GABRA3: variants seen among roughly 807,000 people sequenced by gnomAD.
The protein encoded by GABRA3 is gamma-aminobutyric acid type A receptor subunit alpha3, also known as gamma-aminobutyric acid receptor subunit alpha-3.
In GABRA3, 10 loss-of-function variants were observed where a neutral mutation model predicts 30.1. The ratio of observed to expected loss-of-function variants is 0.33; its 90% CI spans 0.20 to 0.56. The LOEUF (loss-of-function observed/expected upper bound fraction) is 0.56, where lower values mean the gene tolerates loss of function less well. Ranked by LOEUF, GABRA3 falls within the 20% of genes least tolerant of loss-of-function variation. GABRA3 has a pLI of 0.89. For missense variants in GABRA3, 233 were observed against 392.0 expected (o/e 0.59, Z 3.42); for synonymous variants, 151 against 146.8 (o/e 1.03, Z -0.21).
intron 8 of GABRA3, among the ~76,000 whole-genome samples, chrX:152,193,862 T>C (rs1169604183): frequency 1.8e-5 from 2 of 110,779 alleles, no homozygotes; most frequent in Non-Finnish European, 3.8e-5. Flanking sequence ...CTAGGCATGG[T>C]GGCACACGCC....
intron 1 of GABRA3, among the ~76,000 whole-genome samples, chrX:152,384,962 G>A (rs1929258814): frequency 8.9e-6 from 1 of 111,734 alleles, no homozygotes; most frequent in Non-Finnish European, 1.9e-5. Context: ...CACAAAAAAG[G>A]AAGGTCAAAT....
At chrX:152,271,454 T>C (rs933027078) in intron 4 of GABRA3, among the ~76,000 whole-genome samples, 1 of 112,178 alleles carries the variant, frequency 8.9e-6, no homozygotes, top group African/African-American at 3.2e-5. Flanking sequence ...AACTTTGAAC[T>C]TGAGAAAGAT....
intron 5 of GABRA3, among the ~76,000 whole-genome samples, chrX:152,241,413 T>C (rs1938366718): frequency 1.9e-5 from 2 of 104,065 alleles, no homozygotes; most frequent in Admixed American, 2.1e-4. Context: ...TTCAAAGCTG[T>C]CAGACAGGGA....
At position 152,382,898 on chromosome X, in the gene GABRA3, A is replaced by G. The variant is rs1277326302; in HGVS notation, c.-26-18302T>C. Among the ~76,000 whole-genome samples the G allele has an allele frequency of 1.9e-4, 21 of 111,944 alleles. No individual in the cohort carries two copies. The Admixed American group carries it at 2.0e-3, about 11-fold the overall frequency. On this transcript the variant is annotated intron_variant, in intron 1 of 9. Coordinates refer to ENST00000370314, the MANE Select transcript of GABRA3 (RefSeq NM_000808.4). ...TTGATGTGTCTCTTTTTATGCCAGTACCATATTGTTTTGATTGATTACAAC... is the reference window on the plus strand; with the variant it reads ...TTGATGTGTCTCTTTTTATGCCAGTGCCATATTGTTTTGATTGATTACAAC...
chrX:152,426,994 C>T (rs1219926133), intron 1 of GABRA3, among the ~76,000 whole-genome samples: 1 of 111,719 alleles, frequency 9.0e-6, no homozygotes, highest in African/African-American at 3.3e-5. Flanking sequence ...AGGCACTGTT[C>T]TAAGCACTTT....
chrX:152,239,578 A>C (rs1476662341), intron 5 of GABRA3, among the ~76,000 whole-genome samples: 1 of 91,171 alleles, frequency 1.1e-5, no homozygotes, highest in East Asian at 3.9e-4. Context: ...TGATCTGTCT[A>C]ATGTTGACAG....
intron 2 of GABRA3, among the ~76,000 whole-genome samples, chrX:152,359,017 G>T (rs1298626369): frequency 9.0e-6 from 1 of 111,458 alleles, no homozygotes; most frequent in Non-Finnish European, 1.9e-5. Flanking sequence ...TAGGCCACAA[G>T]TTTTCTTTTT....
At chrX:152,287,815 T>C (rs1355155283) in intron 3 of GABRA3, among the ~76,000 whole-genome samples, 1 of 110,221 alleles carries the variant, frequency 9.1e-6, no homozygotes, top group East Asian at 2.9e-4. Flanking sequence ...TCCTCCTTCA[T>C]TCAACACCAC....
At chrX:152,329,764 A>T (rs1940131585) in intron 3 of GABRA3, among the ~76,000 whole-genome samples, 1 of 111,859 alleles carries the variant, frequency 8.9e-6, no homozygotes, top group Non-Finnish European at 1.9e-5. Context: ...ACCTAGGTGA[A>T]ACCATTCAGG....
chrX:152,240,132 C>G (rs1443279049), intron 5 of GABRA3, among the ~76,000 whole-genome samples: 3 of 102,280 alleles, frequency 2.9e-5, no homozygotes, highest in African/African-American at 3.9e-5. Context: ...GCAGCTGGTA[C>G]CGGTTGTTCC....
chrX:152,448,836 G>A (rs1052977967), intron 1 of GABRA3, among the ~76,000 whole-genome samples: 1 of 110,677 alleles, frequency 9.0e-6, no homozygotes, highest in Non-Finnish European at 1.9e-5. Flanking sequence ...GGCTTTAGAA[G>A]GACTAGTACT....
chrX:152,421,098 TACACACACACACACAC>T (rs60206606), intron 1 of GABRA3, among the ~76,000 whole-genome samples: 1 of 94,985 alleles, frequency 1.1e-5, no homozygotes, highest in Non-Finnish European at 2.1e-5. Context: ...TTACACATTA[TACACACACACACACAC>T]ACACACACAC....
chrX:152,334,632 A>G (rs1233498922), intron 3 of GABRA3, among the ~76,000 whole-genome samples: 2 of 111,309 alleles, frequency 1.8e-5, no homozygotes, highest in Non-Finnish European at 3.8e-5. Flanking sequence ...GGCTCAAGCT[A>G]TCTTCATGCC....
At chrX:152,364,668 G>A in intron 1 of GABRA3, 72 bp from the exon 2 acceptor site, 2 of 768,614 alleles carry the variant, frequency 2.6e-6, no homozygotes, top group Non-Finnish European at 3.7e-6. Context: ...GGAGAAAGAG[G>A]TAAAAAAGAG....
At chrX:152,262,720 T>C (rs887710228) in intron 4 of GABRA3, among the ~76,000 whole-genome samples, 4 of 111,620 alleles carry the variant, frequency 3.6e-5, no homozygotes, top group Non-Finnish European at 7.5e-5. Flanking sequence ...CTCTAGAAAG[T>C]TCCAAACTTT....
chrX:152,380,892 G>T (rs1161166859), intron 1 of GABRA3, among the ~76,000 whole-genome samples: 3 of 111,488 alleles, frequency 2.7e-5, no homozygotes, highest in Non-Finnish European at 5.7e-5. Flanking sequence ...TGGGAGGTGG[G>T]GTCTAGTGAA....
chrX:152,298,206 A>G (rs905727548), intron 3 of GABRA3, among the ~76,000 whole-genome samples: 3 of 112,049 alleles, frequency 2.7e-5, no homozygotes, highest in Non-Finnish European at 5.6e-5. Flanking sequence ...CTTCAAGTTA[A>G]CTATGCCTCA....
intron 4 of GABRA3, among the ~76,000 whole-genome samples, chrX:152,272,575 T>A (rs929424455): frequency 1.3e-4 from 14 of 111,463 alleles, no homozygotes; most frequent in African/African-American, 4.6e-4. Flanking sequence ...CTGGAATGAG[T>A]TAATAATTTG....
At chrX:152,170,038 T>G (rs1936983768) in intron 9 of GABRA3, among the ~76,000 whole-genome samples, 1 of 112,180 alleles carries the variant, frequency 8.9e-6, no homozygotes, top group Admixed American at 9.5e-5. Flanking sequence ...AGAACTATGC[T>G]AGGTACTTAG....
Sources: gnomAD v4.1 joint callset for allele counts (sites outside exome capture counted in the v4.1 genomes callset) on GRCh38, gnomAD v4.1.1 for gene constraint, MANE v1.5 for transcripts, NCBI Gene and HGNC (gene_info 2026-07-23, HGNC 2026-07-21) for gene names.